Variants in ZRANB1 observed in about 807,000 individuals in gnomAD.
ZRANB1 encodes zinc finger RANBP2-type containing 1, also known as ubiquitin thioesterase ZRANB1.
A neutral mutation model predicts 80.5 loss-of-function variants in ZRANB1; 16 were observed. The observed-to-expected ratio is 0.20, with a 90% CI of 0.13 to 0.30. The LOEUF is 0.30. Among genes scored for constraint, ZRANB1 ranks in the 10% least tolerant of loss-of-function variants. The pLI is 1.00. For missense variants in ZRANB1, 576 were observed against 862.6 expected (o/e 0.67, Z 4.16); for synonymous variants, 291 against 293.1 (o/e 0.99, Z 0.07).
chr10:124,966,818 TAAAG>T (rs754451079), intron 2 of ZRANB1, 37 bp downstream of exon 2: 10 of 1,540,262 alleles, frequency 6.5e-6, no homozygotes, highest in Middle Eastern at 1.8e-4. Flanking sequence ...TCTTTTATAT[TAAAG>T]AAACCTGTTC....
the ZRANB1 span, among the ~76,000 whole-genome samples, chr10:124,924,666 C>A: frequency 6.6e-6 from 1 of 152,102 alleles, no homozygotes. Flanking sequence ...TTGTGGCTGG[C>A]TGATACTCCA....
the ZRANB1 span, among the ~76,000 whole-genome samples, chr10:124,926,681 TAAAC>T: frequency 8.5e-5 from 13 of 152,330 alleles, no homozygotes; most frequent in South Asian, 8.3e-4. Context: ...AAAAGTATAG[TAAAC>T]AAACTGGTAA....
At chr10:124,984,655 G>C in intron 8 of ZRANB1, 119 bp from the exon 9 acceptor site, 1 of 996,354 alleles carries the variant, frequency 1.0e-6, no homozygotes, top group African/African-American at 1.6e-5. Context: ...CATGTGAAAA[G>C]TTGATTGCTT....
chr10:124,968,982 T>C (rs1294936128), intron 2 of ZRANB1, among the ~76,000 whole-genome samples: 1 of 152,160 alleles, frequency 6.6e-6, no homozygotes, highest in Non-Finnish European at 1.5e-5. Context: ...TGTCATGAGG[T>C]TGCAGTCAAG....
the ZRANB1 span, among the ~76,000 whole-genome samples, chr10:124,919,233 C>T: frequency 3.8e-3 from 574 of 152,248 alleles, 5 homozygotes; most frequent in African/African-American, 0.013. Flanking sequence ...TAAATGTAAA[C>T]TTTAAATGTG....
rs1491004823 is a variant in ZRANB1, at chr10:124,986,322, C to CA, written c.*1331dup. ...ACACACACACACACACACACACACA[C>CA]AGTTTTTTCCTTCCCTGTGATGAAA... is the stretch of plus-strand genomic sequence containing the variant. On this transcript the variant is annotated 3_prime_UTR_variant, in exon 9 of 9. Transcript: ENST00000359653. 2.0e-5 allele frequency: 3 copies of CA among 152,102 alleles called. No homozygotes were observed. Among genetic ancestry groups the CA allele is most frequent in the Non-Finnish European group, 4.4e-5 (3 of 67,994 alleles). The allele number at this position is 152,102 out of a possible 1,614,324, so 9.4% of individuals were successfully genotyped here. A position where few individuals can be genotyped will look rare whatever the true frequency, so the allele number is the denominator to read the frequency against.
chr10:124,926,194 A>G, the ZRANB1 span, among the ~76,000 whole-genome samples: 3 of 152,242 alleles, frequency 2.0e-5, no homozygotes, highest in African/African-American at 7.2e-5. Flanking sequence ...TGTCAAGGAC[A>G]TTACTATACA....
the ZRANB1 span, among the ~76,000 whole-genome samples, chr10:124,923,423 C>G: frequency 6.6e-6 from 1 of 151,174 alleles, no homozygotes; most frequent in Admixed American, 6.6e-5. Flanking sequence ...GAAACCGTGT[C>G]TCTACTAAAA....
chr10:124,986,750 T>A lies in ZRANB1; in HGVS notation c.*1758T>A, dbSNP rs1589862119. The A allele has an allele frequency of 1.3e-5, 2 of 152,312 alleles. No homozygotes were observed. Among genetic ancestry groups the A allele is most frequent in the East Asian group, 3.9e-4 (2 of 5,190 alleles). 9.4% of individuals were successfully genotyped at this position (152,312 alleles called of 1,614,324 possible). On this transcript the variant is annotated 3_prime_UTR_variant, in exon 9 of 9. Transcript: ENST00000359653. ...GCATCTGTAGTAATTTCTCTATGTA[T>A]AGGGATAATTTTTTAGTGGGCAGAG...
At chr10:124,963,933 T>A (rs1303766426) in intron 1 of ZRANB1, among the ~76,000 whole-genome samples, 1 of 152,222 alleles carries the variant, frequency 6.6e-6, no homozygotes, top group Admixed American at 6.5e-5. Context: ...TTACCTATAT[T>A]TAAGTGATGT....
intron 2 of ZRANB1, among the ~76,000 whole-genome samples, chr10:124,971,088 T>C (rs927092617): frequency 7.9e-5 from 12 of 151,974 alleles, no homozygotes; most frequent in African/African-American, 2.9e-4. Flanking sequence ...CCTCCCAGAG[T>C]TGGTGGGATC....
At chr10:124,918,776 T>C in the ZRANB1 span, among the ~76,000 whole-genome samples, 1 of 152,242 alleles carries the variant, frequency 6.6e-6, no homozygotes, top group South Asian at 2.1e-4. Flanking sequence ...TAAAAAAATT[T>C]AGAATCCTAT....
chr10:124,952,077 C>T (rs888093945), intron 1 of ZRANB1, among the ~76,000 whole-genome samples: 15 of 152,072 alleles, frequency 9.9e-5, no homozygotes, highest in African/African-American at 3.4e-4. Flanking sequence ...CTCCCTCTAC[C>T]CCCTCTTTGG....
the ZRANB1 span, among the ~76,000 whole-genome samples, chr10:124,917,820 C>T: frequency 6.6e-6 from 1 of 152,156 alleles, no homozygotes; most frequent in Admixed American, 6.5e-5. Context: ...TGGAAAGATT[C>T]GTCTACCCCT....
intron 5 of ZRANB1, 59 bp downstream of exon 5, chr10:124,974,457 G>C (rs548873296): frequency 6.5e-7 from 1 of 1,546,190 alleles, no homozygotes; most frequent in East Asian, 2.3e-5. Flanking sequence ...TTATTTCCTT[G>C]TAGTGGTGGG....
In ZRANB1 at chr10:124,983,604, C is replaced by T. The variant is rs146618180; in HGVS notation, c.1824C>T (p.Thr608=). The T allele has an allele frequency of 4.0e-5, 65 of 1,613,892 alleles. No homozygotes were observed. The highest frequency in any genetic ancestry group is 5.1e-5 in the Non-Finnish European group (60 of 1,179,926). The change falls in exon 8 of 9, where the codon ACC becomes ACT. Residue 608 remains threonine, a synonymous_variant. Transcript: ENST00000359653. This position sits in a 1 kb window ranked among gnomAD's most constrained non-coding sequence, Gnocchi z 6.2. ...GNRGAGANLN[T]DDDVTITFLP... ...GAGGTGCTGGTGCTAATCTCAATAC[C>T]GATGATGATGTCACCATCACATTTT...
chr10:124,982,767 T>A (rs1214953593), intron 6 of ZRANB1, among the ~76,000 whole-genome samples: 1 of 152,194 alleles, frequency 6.6e-6, no homozygotes, highest in East Asian at 1.9e-4. Flanking sequence ...ATACTGCCAT[T>A]TACATTTGCA....
At chr10:124,948,027 G>C (rs1016176403) in intron 1 of ZRANB1, among the ~76,000 whole-genome samples, 18 of 151,856 alleles carry the variant, frequency 1.2e-4, no homozygotes, top group African/African-American at 3.9e-4. Context: ...ATATACTTTT[G>C]ACCCTTGAAT....
At chr10:124,945,016 G>A (rs575641277) in intron 1 of ZRANB1, among the ~76,000 whole-genome samples, 3 of 152,204 alleles carry the variant, frequency 2.0e-5, no homozygotes, top group Non-Finnish European at 4.4e-5. Context: ...GCAACATACA[G>A]TATGATTGTC....
Sources: gnomAD v4.1 joint callset for allele counts (sites outside exome capture counted in the v4.1 genomes callset) on GRCh38, gnomAD v4.1.1 for gene constraint, Gnocchi (gnomAD v3.1) non-coding constraint, MANE v1.5 for transcripts, NCBI Gene and HGNC (gene_info 2026-07-23, HGNC 2026-07-21) for gene names.